SLC15A1: variants seen among roughly 807,000 people sequenced by gnomAD.
SLC15A1 encodes the protein Caco-2 oligopeptide transporter.
SLC15A1 carries 83 observed loss-of-function variants against 92.9 expected under a neutral mutation model. That is an observed-to-expected ratio of 0.89 (90% CI 0.75 to 1.07). SLC15A1 has a LOEUF of 1.07. SLC15A1 is among the 50% of genes least tolerant of loss of function. SLC15A1 has a pLI of 0.00. For synonymous variants in SLC15A1, 322 were observed against 318.2 expected (o/e 1.01, Z -0.13); for missense variants, 857 against 880.1 (o/e 0.97, Z 0.33).
intron 18 of SLC15A1, among the ~76,000 whole-genome samples, chr13:98,688,816 C>T (rs1423031470): frequency 6.6e-6 from 1 of 152,206 alleles, no homozygotes; most frequent in Admixed American, 6.5e-5. Context: ...CTGGTTACTG[C>T]TCTAAGTACT....
intron 20 of SLC15A1, 117 bp from the exon 21 acceptor site, chr13:98,687,841 T>C: frequency 1.6e-6 from 2 of 1,218,960 alleles, no homozygotes; most frequent in Non-Finnish European, 2.3e-6. Context: ...GTCAAGTACG[T>C]ACACATTTTA....
chr13:98,751,240 CAG>C (rs1334876470), intron 1 of SLC15A1, among the ~76,000 whole-genome samples: 3 of 152,122 alleles, frequency 2.0e-5, no homozygotes, highest in Non-Finnish European at 2.9e-5. Flanking sequence ...CAGTTGCAAA[CAG>C]AGAGGACCAG....
At position 98,723,933 on chromosome 13, in the gene SLC15A1, G is replaced by C. The variant is rs770680562; in HGVS notation, c.344C>G (p.Pro115Arg). ...DLTDHNHDGT[P>R]DSLPVHVVLS... Reference sequence around the variant, plus strand: ...TCACACGTGCACAGGAAGGCTGTCGGGGGTGCCATCATGGTTGTGGTCTGT... The same window carrying C: ...TCACACGTGCACAGGAAGGCTGTCGCGGGTGCCATCATGGTTGTGGTCTGT... Residue 115 changes from proline (P) to arginine (R), a missense_variant, in exon 5 of 23, where the codon CCC becomes CGC. Coordinates refer to ENST00000376503, the MANE Select transcript of SLC15A1 (RefSeq NM_005073.4). 14 of 1,614,042 alleles carry C rather than the reference G, an allele frequency of 8.7e-6. No individual in the cohort carries two copies. In the African/African-American group the frequency reaches 1.9e-4, roughly 22 times the overall value.
At chr13:98,721,125 C>T (rs1219430184) in intron 7 of SLC15A1, 10 of 495,854 alleles carry the variant, frequency 2.0e-5, no homozygotes, top group Non-Finnish European at 4.1e-6. Context: ...AGAAATATCA[C>T]TGGGGAGCAA....
rs1174021341 is a variant in SLC15A1, at chr13:98,721,847, G to A, written c.422C>T (p.Pro141Leu). 6.2e-7 allele frequency: 1 copy of A among 1,614,102 alleles called. No individual in the cohort carries two copies. The highest frequency in any genetic ancestry group is 1.1e-5 in the South Asian group (1 of 91,056). Residue 141 changes from proline to leucine, a missense_variant, in exon 6 of 23, where the codon CCC becomes CTC. Transcript: ENST00000376503. ...LIALGTGGIK[P>L]CVSAFGGDQF... ...ATCTCCACCAAACGCAGACACACAG[G>A]GTTTGATTCCTCCAGTCCCGAGAGC...
intron 8 of SLC15A1, among the ~76,000 whole-genome samples, chr13:98,718,860 C>T (rs1193886169): frequency 6.6e-6 from 1 of 152,160 alleles, no homozygotes; most frequent in Non-Finnish European, 1.5e-5. Flanking sequence ...CTAGGCTGGA[C>T]TTGAACTCCA....
At chr13:98,724,552 A>C (rs2088283784) in intron 4 of SLC15A1, among the ~76,000 whole-genome samples, 1 of 152,206 alleles carries the variant, frequency 6.6e-6, no homozygotes, top group Non-Finnish European at 1.5e-5. Context: ...GAGAGGGGAA[A>C]GATCCGCCTC....
At chr13:98,699,006 T>C (rs1412096791) in intron 18 of SLC15A1, among the ~76,000 whole-genome samples, 1 of 152,094 alleles carries the variant, frequency 6.6e-6, no homozygotes, top group Non-Finnish European at 1.5e-5. Context: ...GGGTGCACAG[T>C]GCTATATAAA....
intron 11 of SLC15A1, 35 bp downstream of exon 11, chr13:98,711,819 C>T (rs759512579): frequency 1.0e-5 from 16 of 1,527,916 alleles, no homozygotes; most frequent in South Asian, 5.6e-5. Flanking sequence ...TACGCTTGCT[C>T]CGTGAAGAAG....
chr13:98,736,091 A>C (rs976298153), intron 1 of SLC15A1, among the ~76,000 whole-genome samples: 10 of 152,240 alleles, frequency 6.6e-5, no homozygotes, highest in African/African-American at 2.4e-4. Flanking sequence ...ACTTCAAACT[A>C]TACTAGAAGG....
chr13:98,705,989 T>C, intron 16 of SLC15A1, 145 bp downstream of exon 16: 1 of 788,068 alleles, frequency 1.3e-6, no homozygotes, highest in Non-Finnish European at 2.0e-6. Flanking sequence ...TGGTTTAGAA[T>C]ATAGCCAACA....
chr13:98,741,210 C>T (rs1357551209), intron 1 of SLC15A1, among the ~76,000 whole-genome samples: 4 of 152,230 alleles, frequency 2.6e-5, no homozygotes, highest in Non-Finnish European at 5.9e-5. Flanking sequence ...CTGCTGGTGA[C>T]TGGAGCATGG....
intron 8 of SLC15A1, among the ~76,000 whole-genome samples, chr13:98,718,300 CTTTTTTTTTTTTTTTTTTTTTTTTT>C (rs532286337): frequency 2.4e-5 from 2 of 84,128 alleles, no homozygotes; most frequent in African/African-American, 6.8e-5. Context: ...TCACCTTCAT[CTTTTTTTTTTTTTTTTTTTTTTTTT>C]TTTTTTTTTT....
intron 21 of SLC15A1, 91 bp from the exon 22 acceptor site, chr13:98,686,388 T>C (rs907134310): frequency 2.4e-6 from 2 of 850,686 alleles, no homozygotes; most frequent in Admixed American, 4.0e-5. Context: ...GTGAAGCAGA[T>C]CACCCTAACA....
rs2088236362 is a variant in SLC15A1 at position 98,719,337 on chromosome 13, A to C, written c.557-17T>G. On this transcript the variant is annotated splice_polypyrimidine_tract_variant and intron_variant, in intron 7 of 22. Coordinates refer to ENST00000376503, the MANE Select transcript of SLC15A1 (RefSeq NM_005073.4). ...ATTGTTGAACTGGGGAGAAATGACA[A>C]GATTAAAATTGTTATGGCATTGGTA... The C allele has an allele frequency of 6.3e-7, 1 of 1,590,098 alleles. No individual in the cohort carries two copies. Among genetic ancestry groups the C allele is most frequent in the East Asian group, 2.2e-5 (1 of 44,742 alleles).
intron 1 of SLC15A1, among the ~76,000 whole-genome samples, chr13:98,747,643 G>A (rs943176018): frequency 6.6e-6 from 1 of 152,194 alleles, no homozygotes; most frequent in African/African-American, 2.4e-5. Context: ...CACTTTGGGA[G>A]GCCAAGGCAG....
chr13:98,691,910 C>T (rs192342871), intron 18 of SLC15A1, among the ~76,000 whole-genome samples: 72 of 151,998 alleles, frequency 4.7e-4, no homozygotes, highest in Non-Finnish European at 8.8e-4. Context: ...CCCGTCTCTA[C>T]TAAAAATACA....
chr13:98,705,627 C>T (rs139883048), intron 16 of SLC15A1, among the ~76,000 whole-genome samples: 63 of 152,296 alleles, frequency 4.1e-4, no homozygotes, highest in African/African-American at 1.3e-3. Context: ...TATGGTGGCT[C>T]ACACCTGTAA....
At chr13:98,693,363 G>T (rs1170101348) in intron 18 of SLC15A1, among the ~76,000 whole-genome samples, 1 of 152,132 alleles carries the variant, frequency 6.6e-6, no homozygotes, top group Non-Finnish European at 1.5e-5. Context: ...CTCCCAAAGT[G>T]CTGGGATTAC....
Sources: allele counts gnomAD v4.1 joint callset (sites outside exome capture counted in the v4.1 genomes callset), GRCh38; gene constraint gnomAD v4.1.1; transcripts MANE v1.5; gene names NCBI Gene and HGNC (gene_info 2026-07-23, HGNC 2026-07-21).